Variants in SLC19A1 observed in about 807,000 individuals in gnomAD.
SLC19A1 encodes the protein solute carrier family 19 member 1.
A neutral mutation model predicts 35.3 loss-of-function variants in SLC19A1; 37 were observed. The observed-to-expected ratio is 1.05, with a 90% CI of 0.81 to 1.38. The LOEUF (loss-of-function observed/expected upper bound fraction) is 1.38, where lower values mean the gene tolerates loss of function less well. SLC19A1 is among the 40% of genes most tolerant of loss of function. SLC19A1 has a pLI of 0.00. For missense variants in SLC19A1, 831 were observed against 826.9 expected, an observed-to-expected ratio of 1.00 and a Z score of -0.06; for synonymous variants, 460 against 398.5, an observed-to-expected ratio of 1.15 and a Z score of -1.84.
At chr21:45,557,422 C>A (rs2078574126) in intron 1 of SLC19A1, among the ~76,000 whole-genome samples, 1 of 152,216 alleles carries the variant, frequency 6.6e-6, no homozygotes, top group South Asian at 2.1e-4. Context: ...TGGCCCCAGC[C>A]TGGCCCTGAG....
At chr21:45,516,264 C>A in intron 5 of SLC19A1, 124 bp from the exon 6 acceptor site, 1 of 742,626 alleles carries the variant, frequency 1.3e-6, no homozygotes, top group Middle Eastern at 3.2e-4. Flanking sequence ...GAACACTGCA[C>A]AGCGGTCAGA....
At chr21:45,558,813 CTTTT>C (rs11363347) in intron 1 of SLC19A1, among the ~76,000 whole-genome samples, 1 of 144,026 alleles carries the variant, frequency 6.9e-6, no homozygotes, top group Non-Finnish European at 1.5e-5. Flanking sequence ...TTTCTTTTTT[CTTTT>C]TTTTTTTTTT....
Position 45,514,810 on chromosome 21 carries a change from TG to T in SLC19A1, c.*847del. The T allele has an allele frequency of 1.8e-6, 1 of 553,604 alleles. No individual in the cohort carries two copies. Among genetic ancestry groups the T allele is most frequent in the East Asian group, 3.3e-5 (1 of 30,598 alleles). The allele number at this position is 553,604 out of a possible 1,614,324, so 34.3% of individuals were successfully genotyped here. On this transcript the variant is annotated 3_prime_UTR_variant, in exon 6 of 6. Transcript: ENST00000311124. Reference sequence around the variant, plus strand: ...CAAGGCACTAGCGCTCCTTAGACCCTGAGGCCGCTGGGACGTACTTCCCCAG... The same window carrying T: ...CAAGGCACTAGCGCTCCTTAGACCCTAGGCCGCTGGGACGTACTTCCCCAG...
rs1240529279 is a variant in SLC19A1, at chr21:45,518,989, A to G, written c.1294-2849T>C. On this transcript the variant is annotated intron_variant, in intron 5 of 5. Transcript: ENST00000311124. ...TAAATAAAACAGACTTTCCTTCTTT[A>G]GTTTCCTAAAATATGTTTGATGATT... Among the ~76,000 whole-genome samples the G allele has an allele frequency of 3.3e-5, 5 of 152,246 alleles. No individual in the cohort carries two copies. In the South Asian group the frequency reaches 1.0e-3, roughly 31 times the overall value.
chr21:45,524,146 A>G (rs2077524867), intron 5 of SLC19A1, among the ~76,000 whole-genome samples: 1 of 131,384 alleles, frequency 7.6e-6, no homozygotes, highest in Non-Finnish European at 1.6e-5. Flanking sequence ...CTAAGCGTTC[A>G]CCCCTGGGCC....
chr21:45,529,564 TG>T (rs2045203255), intron 4 of SLC19A1, among the ~76,000 whole-genome samples: 1 of 151,948 alleles, frequency 6.6e-6, no homozygotes, highest in Non-Finnish European at 1.5e-5. Flanking sequence ...GAGTATGTGG[TG>T]GGAGTGTGTC....
rs372621325 is a variant in SLC19A1, at chr21:45,529,903, TGTG to T, written c.1151+864_1151+866del. Among the ~76,000 whole-genome samples the T allele has an allele frequency of 2.2e-4, 33 of 150,010 alleles. No homozygotes were observed. In the South Asian group the frequency reaches 2.3e-3, roughly 11 times the overall value. On this transcript the variant is annotated intron_variant, in intron 4 of 5. Transcript: ENST00000311124. ...TGAGTGTGGTGGGTGTCTGTGAACA[TGTG>T]GTGTGTCCCTGTGAGTGTGTGTGTG...
intron 1 of SLC19A1, among the ~76,000 whole-genome samples, chr21:45,555,184 A>G (rs1023232045): frequency 0.057 from 772 of 13,428 alleles, 35 homozygotes; most frequent in Non-Finnish European, 0.068. Flanking sequence ...GGGGCGGTGC[A>G]GGGGGCGGCG....
At chr21:45,511,340 C>A, downstream of SLC19A1, 1 of 696,576 alleles carries the variant, frequency 1.4e-6, no homozygotes, top group South Asian at 1.5e-5. Flanking sequence ...TATACATGCT[C>A]ATTACTTTAA....
Position 45,505,797 on chromosome 21 carries a change from CTCCCCGCCA to C in SLC19A1, c.498-7194_498-7186del, listed in dbSNP as rs756676578. 5.4e-6 allele frequency: 8 copies of C among 1,489,432 alleles called. No individual in the cohort carries two copies. In the South Asian group the frequency reaches 5.8e-5, roughly 11 times the overall value. The allele number at this position is 1,489,432 out of a possible 1,614,324, so 92.3% of individuals were successfully genotyped here. Reference sequence around the variant, plus strand: ...CTTCCTTCCGCCCCTGCCCCCCGCCCTCCCCGCCAAGCCCCACACCTCTGCATTTGGTCC... The same window carrying C: ...CTTCCTTCCGCCCCTGCCCCCCGCCCAGCCCCACACCTCTGCATTTGGTCC... On this transcript the variant is annotated intron_variant, in intron 3 of 4. Coordinates refer to the SLC19A1 transcript ENST00000417954.
rs747438518 is a variant in SLC19A1 at position 45,531,900 on chromosome 21, G to A, written c.438C>T (p.Pro146=). The A allele has an allele frequency of 2.5e-5, 40 of 1,589,688 alleles. No individual in the cohort carries two copies. The highest frequency in any genetic ancestry group is 4.0e-5 in the African/African-American group (3 of 74,302). Reference sequence around the variant, plus strand: ...AGCCGGCCACACGCTGGTAGCGCGCGGGCCGCACGAGAGAGAAGATGTAGG... The same window carrying A: ...AGCCGGCCACACGCTGGTAGCGCGCAGGCCGCACGAGAGAGAAGATGTAGG... ...YSSYIFSLVR[P]ARYQRVAGYS... Residue 146 remains proline, a synonymous_variant, in exon 3 of 6, where the codon CCC becomes CCT. Transcript: ENST00000311124.
chr21:45,505,617 C>T (rs1377008374), intron 3 of SLC19A1, among the ~76,000 whole-genome samples: 2 of 152,170 alleles, frequency 1.3e-5, no homozygotes, highest in Non-Finnish European at 2.9e-5. Flanking sequence ...AGGACGACCA[C>T]CAGCCGGGAA....
rs1429527705 is a variant in SLC19A1 at position 45,533,399 on chromosome 21, C to T, written c.190-1251G>A. Among the ~76,000 whole-genome samples the T allele has an allele frequency of 6.6e-6, 1 of 152,110 alleles. No individual in the cohort carries two copies. The highest frequency in any genetic ancestry group is 1.5e-5 in the Non-Finnish European group (1 of 67,992). ...TCAGCTGTCTTGGCAGGGGCCAGGG[C>T]TGCTGTGGGCACACCTGGGCACACC... is the stretch of plus-strand genomic sequence containing the variant. On this transcript the variant is annotated intron_variant, in intron 2 of 5. Coordinates refer to ENST00000311124, the MANE Select transcript of SLC19A1 (RefSeq NM_194255.4). This position sits in a 1 kb window ranked among gnomAD's most constrained non-coding sequence, Gnocchi z 4.5.
rs1031125029 is a variant in SLC19A1, at chr21:45,515,357, C to G, written c.*301G>C. 6.3e-6 allele frequency: 9 copies of G among 1,438,598 alleles called. No homozygotes were observed. In the African/African-American group the frequency reaches 1.1e-4, roughly 18 times the overall value. The allele number at this position is 1,438,598 out of a possible 1,614,324, so 89.1% of individuals were successfully genotyped here. A position where few individuals can be genotyped will look rare whatever the true frequency, so the allele number is the denominator to read the frequency against. ...CCTGGGGGGCAGAAAGGATTTGTCTCAAGCCCCCCAAGGGGCATGAGCCAG... is the reference window on the plus strand; with the variant it reads ...CCTGGGGGGCAGAAAGGATTTGTCTGAAGCCCCCCAAGGGGCATGAGCCAG... On this transcript the variant is annotated 3_prime_UTR_variant, in exon 6 of 6. Coordinates refer to ENST00000311124, the MANE Select transcript of SLC19A1 (RefSeq NM_194255.4).
intron 1 of SLC19A1, among the ~76,000 whole-genome samples, chr21:45,551,226 C>T (rs944810142): frequency 1.3e-4 from 20 of 151,508 alleles, no homozygotes; most frequent in Non-Finnish European, 1.6e-4. Flanking sequence ...CCAGCCTGGG[C>T]GACAAGAGCG....
At chr21:45,521,179 C>T (rs2077428867) in intron 5 of SLC19A1, among the ~76,000 whole-genome samples, 1 of 152,198 alleles carries the variant, frequency 6.6e-6, no homozygotes, top group South Asian at 2.1e-4. Flanking sequence ...GACTTCAAGC[C>T]TCCGGAACTG....
chr21:45,508,092 G>A, downstream of SLC19A1, among the ~76,000 whole-genome samples: 1 of 145,962 alleles, frequency 6.9e-6, no homozygotes, highest in Non-Finnish European at 1.5e-5. Flanking sequence ...AGGTGGGTGA[G>A]TGGATGGATG....
chr21:45,508,144 A>G (rs1368038795), downstream of SLC19A1, among the ~76,000 whole-genome samples: 7 of 127,362 alleles, frequency 5.5e-5, no homozygotes, highest in Middle Eastern at 6.6e-3. Flanking sequence ...GGTGGATGGA[A>G]AGGTGGGTGA....
At chr21:45,544,868 TCTGCCAGAGAATGAGGACC>T (rs1221824797), upstream of SLC19A1, among the ~76,000 whole-genome samples, 1 of 152,030 alleles carries the variant, frequency 6.6e-6, no homozygotes, top group Non-Finnish European at 1.5e-5. Context: ...CCAAGAAATC[TCTGCCAGAGAATGAGGACC>T]CTGCCCACCC....
Sources: gnomAD v4.1 joint callset for allele counts (sites outside exome capture counted in the v4.1 genomes callset) on GRCh38, gnomAD v4.1.1 for gene constraint, Gnocchi (gnomAD v3.1) non-coding constraint, MANE v1.5 for transcripts, NCBI Gene and HGNC (gene_info 2026-07-23, HGNC 2026-07-21) for gene names.